Variants in OR1L8 observed in about 807,000 individuals in gnomAD.
OR1L8 encodes olfactory receptor family 1 subfamily L member 8, also known as olfactory receptor 1L8.
For synonymous variants in OR1L8, 148 were observed against 147.0 expected (o/e 1.01, Z -0.05); for missense variants, 330 against 377.4 (o/e 0.87, Z 1.04).
the OR1L8 span, chr9:122,553,870 C>T: frequency 1.9e-6 from 3 of 1,614,100 alleles, no homozygotes; most frequent in Non-Finnish European, 2.5e-6. Flanking sequence ...ATCGTCTTCT[C>T]CTATGTCCGC....
At chr9:122,564,658 C>G (rs1829402466), downstream of OR1L8, among the ~76,000 whole-genome samples, 1 of 152,182 alleles carries the variant, frequency 6.6e-6, no homozygotes, top group South Asian at 2.1e-4. Flanking sequence ...AGCAGTGACT[C>G]CAATTGCAGC....
In OR1L8 at chr9:122,567,289, G is replaced by C. The variant is rs1829445299; in HGVS notation, c.*259C>G. On this transcript the variant is annotated 3_prime_UTR_variant, in exon 5 of 5. Coordinates refer to ENST00000641027, the MANE Select transcript of OR1L8 (RefSeq NM_001004454.2). ...TTCATGGGGAAAGGATTAGATTAAA[G>C]CAGTTTTTGGAAAATGAGAAAGTGG... The C allele has an allele frequency of 2.9e-6, 1 of 349,692 alleles. No individual in the cohort carries two copies. Among genetic ancestry groups the C allele is most frequent in the Admixed American group, 4.2e-5 (1 of 23,732 alleles). 21.7% of individuals were successfully genotyped at this position (349,692 alleles called of 1,614,324 possible). A position where few individuals can be genotyped will look rare whatever the true frequency, so the allele number is the denominator to read the frequency against.
the OR1L8 span, among the ~76,000 whole-genome samples, chr9:122,547,405 G>C: frequency 6.6e-6 from 1 of 152,014 alleles, no homozygotes; most frequent in East Asian, 1.9e-4. Context: ...TAAACTTAGA[G>C]GATACAAGTG....
chr9:122,551,925 C>G, the OR1L8 span, among the ~76,000 whole-genome samples: 28 of 152,018 alleles, frequency 1.8e-4, no homozygotes, highest in East Asian at 5.4e-3. Context: ...AGAAAGGTCT[C>G]AGAGTTTTTT....
downstream of OR1L8, among the ~76,000 whole-genome samples, chr9:122,565,677 G>C (rs1334982194): frequency 1.3e-5 from 2 of 152,212 alleles, no homozygotes; most frequent in African/African-American, 4.8e-5. Flanking sequence ...CCCAGGTAGT[G>C]AGCATAATAC....
intron 1 of OR1L8, among the ~76,000 whole-genome samples, chr9:122,582,942 A>C (rs1288098265): frequency 1.3e-5 from 2 of 152,126 alleles, no homozygotes; most frequent in Admixed American, 1.3e-4. Context: ...AAAGAGAATT[A>C]AATAAAAAAT....
intron 1 of OR1L8, among the ~76,000 whole-genome samples, chr9:122,582,272 T>G (rs929299296): frequency 6.6e-6 from 1 of 152,212 alleles, no homozygotes; most frequent in South Asian, 2.1e-4. Flanking sequence ...ACACTCAAAC[T>G]GCATCCATGG....
chr9:122,553,581 G>A, the OR1L8 span: 2 of 1,614,044 alleles, frequency 1.2e-6, no homozygotes, highest in East Asian at 4.5e-5. Context: ...GATGGCATAT[G>A]ACCGCTATGT....
intron 1 of OR1L8, among the ~76,000 whole-genome samples, chr9:122,582,520 A>C (rs924351185): frequency 6.6e-6 from 1 of 152,024 alleles, no homozygotes; most frequent in African/African-American, 2.4e-5. Context: ...GTTTGGGGCC[A>C]GCATGGGCAA....
the OR1L8 span, among the ~76,000 whole-genome samples, chr9:122,561,786 A>G: frequency 2.0e-5 from 3 of 152,170 alleles, no homozygotes; most frequent in African/African-American, 7.2e-5. Flanking sequence ...AATGTCTGAC[A>G]ACCCCTGTTG....
chr9:122,548,104 A>G, the OR1L8 span, among the ~76,000 whole-genome samples: 11 of 152,202 alleles, frequency 7.2e-5, no homozygotes, highest in African/African-American at 2.4e-4. Context: ...TGCTCAAAGC[A>G]GAAGTATACA....
At chr9:122,552,057 A>ACTCTCTCT in the OR1L8 span, among the ~76,000 whole-genome samples, 3 of 144,072 alleles carry the variant, frequency 2.1e-5, no homozygotes, top group African/African-American at 7.6e-5. Context: ...ACACACATAC[A>ACTCTCTCT]CTCTCTCTCT....
At chr9:122,581,716 G>T (rs865911671) in intron 1 of OR1L8, among the ~76,000 whole-genome samples, 38 of 152,236 alleles carry the variant, frequency 2.5e-4, no homozygotes, top group Middle Eastern at 3.4e-3. Context: ...GGAGGCTGAG[G>T]CGGGTAGATC....
the OR1L8 span, chr9:122,553,183 A>G: frequency 1.2e-6 from 2 of 1,606,068 alleles, no homozygotes; most frequent in African/African-American, 2.7e-5. Context: ...GAAGGTTTTT[A>G]TCTGCGCAGA....
chr9:122,580,419 G>T (rs1308930271), intron 1 of OR1L8, among the ~76,000 whole-genome samples: 1 of 152,132 alleles, frequency 6.6e-6, no homozygotes, highest in African/African-American at 2.4e-5. Context: ...TAAAACCATT[G>T]AATAATAACC....
chr9:122,550,041 G>A, the OR1L8 span, among the ~76,000 whole-genome samples: 1 of 148,904 alleles, frequency 6.7e-6, no homozygotes, highest in African/African-American at 2.5e-5. Context: ...TCTTTCTTCA[G>A]TGTTTTGTAG....
At chr9:122,555,448 G>A in the OR1L8 span, among the ~76,000 whole-genome samples, 1,321 of 152,262 alleles carry the variant, frequency 8.7e-3, 16 homozygotes, top group African/African-American at 0.031. Flanking sequence ...GCAATCTGCG[G>A]CTGCAATTTC....
At chr9:122,560,936 C>G in the OR1L8 span, among the ~76,000 whole-genome samples, 6 of 152,126 alleles carry the variant, frequency 3.9e-5, no homozygotes, top group Non-Finnish European at 8.8e-5. Context: ...ATCTTGGTTC[C>G]ATTCTTCCCA....
intron 4 of OR1L8, among the ~76,000 whole-genome samples, chr9:122,570,635 GC>G (rs1200193824): frequency 1.3e-5 from 2 of 152,128 alleles, no homozygotes; most frequent in Non-Finnish European, 2.9e-5. Context: ...CTGTTCCCCA[GC>G]CACCTCAGCG....
Sources: gnomAD v4.1 joint callset for allele counts (sites outside exome capture counted in the v4.1 genomes callset) on GRCh38, gnomAD v4.1.1 for gene constraint, MANE v1.5 for transcripts, NCBI Gene and HGNC (gene_info 2026-07-23, HGNC 2026-07-21) for gene names.